The following SOS2 variants were observed in gnomAD, a reference collection of about 807,000 sequenced individuals.
SOS2 encodes SOS Ras/Rho guanine nucleotide exchange factor 2, also known as son of sevenless homolog 2.
SOS2 carries 65 observed loss-of-function variants against 148.2 expected under a neutral mutation model. The observed-to-expected ratio is 0.44, with a 90% CI of 0.36 to 0.54. The LOEUF is 0.54. Among genes scored for constraint, SOS2 ranks in the 20% least tolerant of loss-of-function variants. The pLI, the probability that SOS2 is intolerant of heterozygous loss-of-function variation, is 0.00. For synonymous variants in SOS2, 539 were observed against 537.1 expected (o/e 1.00, Z -0.05); for missense variants, 1,341 against 1,590.2 (o/e 0.84, Z 2.67).
intron 16 of SOS2, among the ~76,000 whole-genome samples, chr14:50,142,533 G>A (rs1884330229): frequency 6.6e-6 from 1 of 152,074 alleles, no homozygotes; most frequent in African/African-American, 2.4e-5. Flanking sequence ...AGAGGTTTGG[G>A]GTTTGCTCTG....
intron 5 of SOS2, among the ~76,000 whole-genome samples, chr14:50,186,536 CT>C (rs1885916751): frequency 6.6e-6 from 1 of 151,556 alleles, no homozygotes; most frequent in African/African-American, 2.4e-5. Context: ...AATCTTAGCA[CT>C]TTGGGGGGCT....
intron 13 of SOS2, among the ~76,000 whole-genome samples, chr14:50,150,497 ACTT>A (rs1451711039): frequency 1.3e-5 from 2 of 152,050 alleles, no homozygotes; most frequent in African/African-American, 4.8e-5. Flanking sequence ...AAAACTGACA[ACTT>A]CTTAATACAT....
intron 5 of SOS2, among the ~76,000 whole-genome samples, chr14:50,187,957 A>G (rs376485106): frequency 1.3e-5 from 2 of 152,210 alleles, no homozygotes; most frequent in African/African-American, 4.8e-5. Context: ...TCAGAACTGC[A>G]TAACGGAAAA....
intron 1 of SOS2, among the ~76,000 whole-genome samples, chr14:50,220,949 T>A (rs1003997361): frequency 1.3e-5 from 2 of 152,194 alleles, no homozygotes; most frequent in Non-Finnish European, 2.9e-5. Context: ...TTTGTTCCAG[T>A]GGCAGATCAT....
In SOS2 at chr14:50,159,566, A is replaced by G; in HGVS notation, c.1717T>C (p.Tyr573His). 6.2e-7 allele frequency: 1 copy of G among 1,614,002 alleles called. No individual in the cohort carries two copies. Among genetic ancestry groups the G allele is most frequent in the Non-Finnish European group, 8.5e-7 (1 of 1,179,908 alleles). Residue 573 changes from tyrosine (Y) to histidine (H), a missense_variant, in exon 10 of 23, where the codon TAT becomes CAT. Physicochemically the swap from Tyr to His is moderately conservative, Grantham distance 83. Transcript: ENST00000216373. ...TCAGAGTCTTTTACTACAAAACGAT[A>G]TACTTCAGGACTTGGTAATCTCAGT... is the stretch of plus-strand genomic sequence containing the variant. Reference protein sequence around the residue: ...QPLRLPSPEVYRFVVKDSEEN... With the variant: ...QPLRLPSPEVHRFVVKDSEEN...
In SOS2 at chr14:50,172,629, A is replaced by G. The variant is rs768513318; in HGVS notation, c.1068+1825T>C. 9.2e-4 allele frequency among the ~76,000 whole-genome samples: 139 copies of G among 151,646 alleles called. 2 individuals are homozygous for G. Among genetic ancestry groups the G allele is most frequent in the Non-Finnish European group, 5.6e-4 (38 of 67,890 alleles). ...GTCATTCCCTCCCCCTTGGACTCCT[A>G]AAGTGCTGGGATTACAGGCATGAGC... On this transcript the variant is annotated intron_variant, in intron 8 of 22. Coordinates refer to ENST00000216373, the MANE Select transcript of SOS2 (RefSeq NM_006939.4).
Position 50,140,050 on chromosome 14 carries a change from C to T in SOS2, c.2677G>A (p.Glu893Lys). 6.6e-7 allele frequency: 1 copy of T among 1,525,042 alleles called. No homozygotes were observed. Among genetic ancestry groups the T allele is most frequent in the Non-Finnish European group, 9.1e-7 (1 of 1,101,706 alleles). 94.5% of individuals were successfully genotyped at this position (1,525,042 alleles called of 1,614,324 possible). The change falls in exon 17 of 23, where the codon GAA (glutamate) becomes AAA (lysine). Residue 893 changes from glutamate to lysine, a missense_variant. Around this residue, in one of 4 missense-constraint regions of SOS2, gnomAD observed 408 missense variants for 506.6 expected, o/e 0.81. Coordinates refer to ENST00000216373, the MANE Select transcript of SOS2 (RefSeq NM_006939.4). ...TCGTCCAAAATTTTCCTTTTCCTTT[C>T]CTGCAGTGCCTTAAAGTATACATAA... ...RLDHTFEALQERKRKILDEAV... is the reference protein window; with the variant it reads ...RLDHTFEALQKRKRKILDEAV...
intron 1 of SOS2, among the ~76,000 whole-genome samples, chr14:50,205,758 T>C (rs533572798): frequency 6.6e-6 from 1 of 152,058 alleles, no homozygotes; most frequent in African/African-American, 2.4e-5. Flanking sequence ...ATGGTGAAAC[T>C]AAAAATACAA....
At chr14:50,172,173 T>C (rs893064556) in intron 8 of SOS2, among the ~76,000 whole-genome samples, 1 of 152,192 alleles carries the variant, frequency 6.6e-6, no homozygotes, top group Non-Finnish European at 1.5e-5. Flanking sequence ...ATCCTGTGGT[T>C]TTAACTGCAT....
intron 18 of SOS2, among the ~76,000 whole-genome samples, chr14:50,136,980 C>G (rs979469264): frequency 2.0e-5 from 3 of 152,072 alleles, no homozygotes; most frequent in Non-Finnish European, 4.4e-5. Context: ...AAGTTTCTAT[C>G]TCATAATTTA....
In SOS2 at chr14:50,157,243, T is replaced by C. The variant is rs1222081462; in HGVS notation, c.1935-122A>G. 2.7e-6 allele frequency: 3 copies of C among 1,096,358 alleles called. No homozygotes were observed. In the South Asian group the frequency reaches 4.9e-5, roughly 18 times the overall value. 67.9% of individuals were successfully genotyped at this position (1,096,358 alleles called of 1,614,324 possible). A position where few individuals can be genotyped will look rare whatever the true frequency, so the allele number is the denominator to read the frequency against. ...AAAGTGGATTACTGTTAAACTTCCC[T>C]TGAGGTATGATATACTACAAAAAAC... On this transcript the variant is annotated intron_variant, in intron 11 of 22. Transcript: ENST00000216373.
chr14:50,224,640 TTTGGGAGGCCAAGG>T (rs1445726105), intron 1 of SOS2, among the ~76,000 whole-genome samples: 1 of 152,078 alleles, frequency 6.6e-6, no homozygotes, highest in Non-Finnish European at 1.5e-5. Context: ...ATCCCAGAAC[TTTGGGAGGCCAAGG>T]CTGGAGGATC....
At chr14:50,151,047 T>C (rs561556761) in intron 13 of SOS2, among the ~76,000 whole-genome samples, 3 of 151,600 alleles carry the variant, frequency 2.0e-5, no homozygotes, top group Non-Finnish European at 4.4e-5. Context: ...TTAGTAGAAA[T>C]AGGGTTTATC....
intron 13 of SOS2, 50 bp downstream of exon 13, chr14:50,153,020 C>T: frequency 1.2e-6 from 1 of 843,114 alleles, no homozygotes; most frequent in Non-Finnish European, 1.9e-6. Context: ...CAAATTTGAA[C>T]ATAAACTCAT....
At position 50,173,701 on chromosome 14, in the gene SOS2, G is replaced by A. The variant is rs561955964; in HGVS notation, c.1068+753C>T. Among the ~76,000 whole-genome samples, 20 of 152,276 alleles carry A rather than the reference G, an allele frequency of 1.3e-4. No individual in the cohort carries two copies. The South Asian group carries it at 2.5e-3, about 19-fold the overall frequency. The stretch of plus-strand genomic sequence containing the variant: ...CTCCCAAAGTGCTGGGATTACAGGC[G>A]TGAACCACCGCGCCCGGCAGTAGTC... On this transcript the variant is annotated intron_variant, in intron 8 of 22. Coordinates refer to ENST00000216373, the MANE Select transcript of SOS2 (RefSeq NM_006939.4).
chr14:50,145,722 A>C (rs988117253), intron 14 of SOS2, 126 bp from the exon 15 acceptor site: 5 of 593,698 alleles, frequency 8.4e-6, no homozygotes, highest in Non-Finnish European at 1.5e-5. Flanking sequence ...TGAACAAGTA[A>C]TTCAGAGAGG....
At chr14:50,153,797 GAGACGACGTTT>G (rs1241534174) in intron 12 of SOS2, among the ~76,000 whole-genome samples, 2 of 152,108 alleles carry the variant, frequency 1.3e-5, no homozygotes, top group African/African-American at 2.4e-5. Context: ...ACTTTTAGTA[GAGACGACGTTT>G]TACCATGTTG....
chr14:50,158,448 G>T, intron 11 of SOS2, 117 bp downstream of exon 11: 1 of 607,060 alleles, frequency 1.6e-6, no homozygotes, highest in Non-Finnish European at 2.9e-6. Context: ...CCAATTTAAT[G>T]CCAAATAAAA....
chr14:50,192,329 T>G (rs572036761), intron 4 of SOS2, among the ~76,000 whole-genome samples: 1 of 151,506 alleles, frequency 6.6e-6, no homozygotes, highest in East Asian at 2.0e-4. Context: ...CCAAGGTGGA[T>G]GGATCACCTG....
Sources: allele counts gnomAD v4.1 joint callset (sites outside exome capture counted in the v4.1 genomes callset), GRCh38; gene constraint gnomAD v4.1.1; regional missense constraint gnomAD v4.1.1; transcripts MANE v1.5; gene names NCBI Gene and HGNC (gene_info 2026-07-23, HGNC 2026-07-21).